The following PDZRN4 variants were observed in gnomAD, a reference collection of about 807,000 sequenced individuals.
PDZRN4 encodes the protein PDZ domain-containing RING finger protein 4.
PDZRN4 carries 70 observed loss-of-function variants against 99.0 expected under a neutral mutation model. The ratio of observed to expected loss-of-function variants is 0.71; its 90% CI spans 0.58 to 0.86. The LOEUF (loss-of-function observed/expected upper bound fraction) is 0.86, where lower values mean the gene tolerates loss of function less well. PDZRN4 is among the 40% of genes least tolerant of loss of function. The pLI is 0.00. For synonymous variants in PDZRN4, 551 were observed against 501.6 expected (o/e 1.10, Z -1.32); for missense variants, 1,474 against 1,331.2 (o/e 1.11, Z -1.67).
chr12:41,422,249 TACTA>T (rs762645812), intron 3 of PDZRN4, among the ~76,000 whole-genome samples: 5 of 152,194 alleles, frequency 3.3e-5, no homozygotes, highest in South Asian at 4.1e-4. Context: ...ATCTTCATAT[TACTA>T]ACTAATATTA....
intron 3 of PDZRN4, among the ~76,000 whole-genome samples, chr12:41,453,570 T>C (rs1220712622): frequency 6.6e-6 from 1 of 152,206 alleles, no homozygotes; most frequent in East Asian, 1.9e-4. Context: ...CTACTAAATA[T>C]TGCCAGACCA....
At chr12:41,423,494 C>T (rs1592054186) in intron 3 of PDZRN4, among the ~76,000 whole-genome samples, 1 of 152,138 alleles carries the variant, frequency 6.6e-6, no homozygotes, top group Admixed American at 6.6e-5. Flanking sequence ...TTTATGGCTG[C>T]ATATATCTTT....
rs949124530 is a variant in PDZRN4 at position 41,573,057 on chromosome 12, C to T, written c.2278C>T (p.Leu760Phe). 1 of 1,614,032 alleles carries T rather than the reference C, an allele frequency of 6.2e-7. No individual in the cohort carries two copies. Among genetic ancestry groups the T allele is most frequent in the Non-Finnish European group, 8.5e-7 (1 of 1,180,030 alleles). ...LTVDRSPDSSLPRVINLTNKK... is the reference protein window; with the variant it reads ...LTVDRSPDSSFPRVINLTNKK... The stretch of plus-strand genomic sequence containing the variant: ...TGTAGACCGTTCCCCTGACAGTTCC[C>T]TTCCAAGGGTGATCAACCTCACCAA... Residue 760 changes from leucine to phenylalanine, a missense_variant, in exon 10 of 10, where the codon CTT becomes TTT. Coordinates refer to ENST00000402685, the MANE Select transcript of PDZRN4 (RefSeq NM_001164595.2).
intron 3 of PDZRN4, among the ~76,000 whole-genome samples, chr12:41,349,140 T>C (rs1413993676): frequency 2.0e-5 from 3 of 151,974 alleles, no homozygotes; most frequent in East Asian, 3.8e-4. Context: ...GGATCACCTA[T>C]ATTAACAAAA....
chr12:41,208,338 T>G (rs1486155321), intron 3 of PDZRN4, among the ~76,000 whole-genome samples: 2 of 151,962 alleles, frequency 1.3e-5, no homozygotes, highest in South Asian at 2.1e-4. Flanking sequence ...ATTCCCAAAG[T>G]TTAATATTTC....
intron 3 of PDZRN4, among the ~76,000 whole-genome samples, chr12:41,336,190 CAATGAACGGCTG>C (rs1453027341): frequency 1.3e-5 from 2 of 152,084 alleles, no homozygotes; most frequent in African/African-American, 4.8e-5. Flanking sequence ...CCTCTATAAT[CAATGAACGGCTG>C]ATTCATCCTG....
chr12:41,423,101 T>A (rs2120413788), intron 3 of PDZRN4, among the ~76,000 whole-genome samples: 1 of 152,268 alleles, frequency 6.6e-6, no homozygotes, highest in South Asian at 2.1e-4. Flanking sequence ...TTTTTTGTAC[T>A]CCTCAGGAGT....
chr12:41,424,128 A>C (rs1370072578), intron 3 of PDZRN4, among the ~76,000 whole-genome samples: 1 of 152,198 alleles, frequency 6.6e-6, no homozygotes, highest in African/African-American at 2.4e-5. Context: ...GCTTTGTGAA[A>C]AAATATTTAT....
At position 41,506,486 on chromosome 12, in the gene PDZRN4, C is replaced by T. The variant is rs1592089058; in HGVS notation, c.874C>T (p.His292Tyr). The change falls in exon 4 of 10, where the codon CAT (histidine) becomes TAT (tyrosine). Residue 292 changes from histidine to tyrosine, a missense_variant. His to Tyr is a moderately conservative substitution (Grantham distance 83). Coordinates refer to ENST00000402685, the MANE Select transcript of PDZRN4 (RefSeq NM_001164595.2). ...TGGGAAGGATCTTTCAAAGGCCACTCATGAAGAGGCAGTGGAAGCTTTTCG... is the reference window on the plus strand; with the variant it reads ...TGGGAAGGATCTTTCAAAGGCCACTTATGAAGAGGCAGTGGAAGCTTTTCG... Reference protein sequence around the residue: ...VNGKDLSKATHEEAVEAFRNA... With the variant: ...VNGKDLSKATYEEAVEAFRNA... The T allele has an allele frequency of 3.1e-6, 5 of 1,613,272 alleles. No homozygotes were observed. In the Middle Eastern group the frequency reaches 5.0e-4, roughly 160 times the overall value.
chr12:41,449,561 G>A (rs1490587074), intron 3 of PDZRN4, among the ~76,000 whole-genome samples: 2 of 152,122 alleles, frequency 1.3e-5, no homozygotes, highest in Non-Finnish European at 2.9e-5. Flanking sequence ...GGATGTGCAC[G>A]CAAATAACTA....
intron 3 of PDZRN4, among the ~76,000 whole-genome samples, chr12:41,413,707 C>G (rs947376513): frequency 1.1e-4 from 16 of 151,616 alleles, no homozygotes; most frequent in Non-Finnish European, 1.6e-4. Flanking sequence ...TATGGGTGCC[C>G]TTATATGTGA....
At chr12:41,555,569 A>T in intron 6 of PDZRN4, 129 bp from the exon 7 acceptor site, 1 of 676,238 alleles carries the variant, frequency 1.5e-6, no homozygotes, top group Non-Finnish European at 2.6e-6. Flanking sequence ...GAGAAATATT[A>T]TGTATACTGT....
chr12:41,521,107 A>T (rs1938485973), intron 5 of PDZRN4, among the ~76,000 whole-genome samples: 1 of 152,152 alleles, frequency 6.6e-6, no homozygotes, highest in African/African-American at 2.4e-5. Context: ...CGAAGTTAAA[A>T]TTGACCAGTC....
chr12:41,192,834 A>C (rs532114607), intron 2 of PDZRN4, among the ~76,000 whole-genome samples: 4 of 152,248 alleles, frequency 2.6e-5, no homozygotes, highest in Admixed American at 1.3e-4. Flanking sequence ...TTCAAAATGC[A>C]TATTTTAAAC....
chr12:41,322,746 T>C (rs895072853), intron 3 of PDZRN4, among the ~76,000 whole-genome samples: 9 of 152,104 alleles, frequency 5.9e-5, no homozygotes, highest in Non-Finnish European at 5.9e-5. Context: ...TCCTCCCGCC[T>C]TGGCCTCCCA....
At chr12:41,201,854 C>G (rs963281567) in intron 3 of PDZRN4, among the ~76,000 whole-genome samples, 1 of 152,070 alleles carries the variant, frequency 6.6e-6, no homozygotes, top group Non-Finnish European at 1.5e-5. Flanking sequence ...GCCTATAAAT[C>G]AAGAAAGAAT....
intron 3 of PDZRN4, among the ~76,000 whole-genome samples, chr12:41,483,955 A>T (rs1402858895): frequency 6.6e-6 from 1 of 152,158 alleles, no homozygotes; most frequent in African/African-American, 2.4e-5. Flanking sequence ...CTCATCTTTT[A>T]CCTTTGTTAA....
chr12:41,328,581 C>CT (rs1273564852), intron 3 of PDZRN4, among the ~76,000 whole-genome samples: 2 of 152,214 alleles, frequency 1.3e-5, no homozygotes, highest in Admixed American at 6.5e-5. Context: ...AACAGCTCAA[C>CT]TTTTTTTAAA....
chr12:41,529,376 A>C (rs1938623090), intron 5 of PDZRN4, among the ~76,000 whole-genome samples: 1 of 152,202 alleles, frequency 6.6e-6, no homozygotes, highest in African/African-American at 2.4e-5. Context: ...TGAGATATTG[A>C]GTTAAATTTG....
Sources: allele counts gnomAD v4.1 joint callset (sites outside exome capture counted in the v4.1 genomes callset), GRCh38; gene constraint gnomAD v4.1.1; transcripts MANE v1.5; gene names NCBI Gene and HGNC (gene_info 2026-07-23, HGNC 2026-07-21).